Variants in MAP2 observed in about 807,000 individuals in gnomAD.
The protein encoded by MAP2 is microtubule-associated protein 2.
MAP2 carries 14 observed loss-of-function variants against 137.6 expected under a neutral mutation model. That is an observed-to-expected ratio of 0.10 (90% CI 0.07 to 0.16). MAP2 has a LOEUF of 0.16. MAP2 is among the 10% of genes least tolerant of loss of function. The probability of loss-of-function intolerance (pLI) is 1.00; values close to 1 mark genes in which losing one functional copy is unlikely to be tolerated. For synonymous variants in MAP2, 786 were observed against 782.3 expected (o/e 1.00, Z -0.08); for missense variants, 2,088 against 2,191.5 (o/e 0.95, Z 0.94).
intron 3 of MAP2, among the ~76,000 whole-genome samples, chr2:209,606,706 TA>T (rs1191362807): frequency 6.6e-6 from 1 of 152,224 alleles, no homozygotes; most frequent in Non-Finnish European, 1.5e-5. Context: ...ATGTAATAAA[TA>T]ATTATCACAT....
At chr2:209,522,342 C>G (rs763799064) in intron 2 of MAP2, among the ~76,000 whole-genome samples, 3 of 152,060 alleles carry the variant, frequency 2.0e-5, no homozygotes, top group Non-Finnish European at 4.4e-5. Flanking sequence ...ACTCTAAAAA[C>G]TAGAGTATCA....
chr2:209,673,411 C>T (rs2049772500), intron 5 of MAP2, among the ~76,000 whole-genome samples: 1 of 151,764 alleles, frequency 6.6e-6, no homozygotes, highest in African/African-American at 2.4e-5. Flanking sequence ...ATGTAAGGGT[C>T]TTACTGCAAT....
At chr2:209,484,505 G>A (rs1011331706) in intron 1 of MAP2, among the ~76,000 whole-genome samples, 1 of 152,114 alleles carries the variant, frequency 6.6e-6, no homozygotes, top group Non-Finnish European at 1.5e-5. Context: ...GCCTAGCCAA[G>A]ATGATGAAAC....
intron 1 of MAP2, among the ~76,000 whole-genome samples, chr2:209,456,230 T>A (rs1220364331): frequency 1.3e-5 from 2 of 152,190 alleles, no homozygotes; most frequent in African/African-American, 4.8e-5. Context: ...TTCCAGTGCA[T>A]CCTTAGGAAT....
chr2:209,572,194 G>C (rs1308149302), intron 2 of MAP2, among the ~76,000 whole-genome samples: 1 of 151,990 alleles, frequency 6.6e-6, no homozygotes, highest in Non-Finnish European at 1.5e-5. Context: ...CAATTGGAAA[G>C]TGATTTCTAG....
chr2:209,497,638 TTTTTCTCC>T (rs2059911036), intron 1 of MAP2, among the ~76,000 whole-genome samples: 1 of 152,074 alleles, frequency 6.6e-6, no homozygotes, highest in Admixed American at 6.5e-5. Context: ...CTCAGGGAGC[TTTTTCTCC>T]TGGCAGAAAG....
chr2:209,659,290 G>A (rs1351101796), intron 5 of MAP2, among the ~76,000 whole-genome samples: 3 of 151,986 alleles, frequency 2.0e-5, no homozygotes, highest in Non-Finnish European at 4.4e-5. Context: ...TTTTGCAAAT[G>A]TCAGGATTTG....
intron 2 of MAP2, among the ~76,000 whole-genome samples, chr2:209,549,550 A>G (rs978165401): frequency 3.3e-5 from 5 of 152,196 alleles, no homozygotes; most frequent in African/African-American, 9.7e-5. Context: ...AGCATACCAG[A>G]TATCTGGAAA....
At chr2:209,480,051 C>T (rs780842008) in intron 1 of MAP2, among the ~76,000 whole-genome samples, 5 of 152,212 alleles carry the variant, frequency 3.3e-5, no homozygotes, top group Non-Finnish European at 5.9e-5. Context: ...CAATTTTCCT[C>T]ATCATTCCTT....
chr2:209,597,758 T>C (rs957044298), intron 3 of MAP2, among the ~76,000 whole-genome samples: 2 of 152,078 alleles, frequency 1.3e-5, no homozygotes, highest in South Asian at 4.1e-4. Flanking sequence ...TTTCGTTTTT[T>C]GGCCTGGTAC....
intron 5 of MAP2, among the ~76,000 whole-genome samples, chr2:209,657,318 T>C (rs1423284790): frequency 6.6e-6 from 1 of 152,200 alleles, no homozygotes; most frequent in Admixed American, 6.5e-5. Flanking sequence ...GATCGAATGG[T>C]AGTTTTATTT....
At chr2:209,575,655 T>TTTAG (rs2075260977) in intron 2 of MAP2, among the ~76,000 whole-genome samples, 1 of 152,108 alleles carries the variant, frequency 6.6e-6, no homozygotes. Context: ...TTCTCTTGTG[T>TTTAG]TTAGACATTC....
chr2:209,434,885 T>A (rs976427275), intron 1 of MAP2, among the ~76,000 whole-genome samples: 1 of 74,670 alleles, frequency 1.3e-5, no homozygotes, highest in African/African-American at 3.9e-5. Flanking sequence ...TATATATATG[T>A]TATATATATG....
chr2:209,444,760 C>T (rs1039944386), intron 1 of MAP2, among the ~76,000 whole-genome samples: 5 of 150,990 alleles, frequency 3.3e-5, no homozygotes, highest in East Asian at 1.9e-4. Flanking sequence ...GCTATTCAAC[C>T]GTGTATTCTT....
rs192506620 is a variant in MAP2, at chr2:209,602,611, A to G, written c.-106-22442A>G. On this transcript the variant is annotated intron_variant, in intron 3 of 15. Transcript: ENST00000682079. ...ATCATTAATATCCACTACCAATAAA[A>G]AGTACACATTCACACTGTGAATCTA... 3.3e-3 allele frequency among the ~76,000 whole-genome samples: 497 copies of G among 152,314 alleles called. 7 individuals carry two copies. The highest frequency in any genetic ancestry group is 0.02 in the Middle Eastern group (6 of 294).
chr2:209,706,839 AG>A (rs1273811458), intron 12 of MAP2, among the ~76,000 whole-genome samples: 1 of 152,130 alleles, frequency 6.6e-6, no homozygotes, highest in Admixed American at 6.6e-5. Context: ...TTTGCCTACA[AG>A]AAAAGTGTTT....
At chr2:209,506,654 A>C (rs2061101840) in intron 1 of MAP2, among the ~76,000 whole-genome samples, 2 of 152,188 alleles carry the variant, frequency 1.3e-5, no homozygotes, top group South Asian at 4.1e-4. Flanking sequence ...TCCATTTGAC[A>C]ACATGCTTTT....
chr2:209,455,728 C>T (rs6736396), intron 1 of MAP2, among the ~76,000 whole-genome samples: 20,378 of 152,062 alleles, frequency 0.13, 3,337 homozygotes, highest in African/African-American at 0.39. Context: ...TAAAAAGCCA[C>T]CTTGTAATCC....
chr2:209,477,206 T>A lies in MAP2; in HGVS notation c.-221-30386T>A, dbSNP rs1188153191. Among the ~76,000 whole-genome samples the A allele has an allele frequency of 2.0e-5, 3 of 152,204 alleles. No individual in the cohort carries two copies. The East Asian group carries it at 5.8e-4, about 29-fold the overall frequency. On this transcript the variant is annotated intron_variant, in intron 1 of 15. Coordinates refer to ENST00000682079, the MANE Select transcript of MAP2 (RefSeq NM_001375505.1). The stretch of plus-strand genomic sequence containing the variant: ...ATTTGGAAACAATGAAAGTGATCCA[T>A]TCACTTTTTCATATACAAAAAATTA...
Sources: allele counts gnomAD v4.1 joint callset (sites outside exome capture counted in the v4.1 genomes callset), GRCh38; gene constraint gnomAD v4.1.1; transcripts MANE v1.5; gene names NCBI Gene and HGNC (gene_info 2026-07-23, HGNC 2026-07-21).